The following NLGN4X variants were observed in gnomAD, a reference collection of about 807,000 sequenced individuals.
NLGN4X encodes neuroligin 4 X-linked, also known as neuroligin-4, X-linked.
In NLGN4X, 3 loss-of-function variants were observed where a neutral mutation model predicts 40.3. The ratio of observed to expected loss-of-function variants is 0.07; its 90% confidence interval spans 0.03 to 0.19. The LOEUF (loss-of-function observed/expected upper bound fraction) is 0.19. NLGN4X is among the 10% of genes least tolerant of loss of function. The probability of loss-of-function intolerance (pLI) is 1.00; values close to 1 mark genes in which losing one functional copy is unlikely to be tolerated. For missense variants in NLGN4X, 382 were observed against 708.3 expected, an observed-to-expected ratio of 0.54 and a Z score of 5.23; for synonymous variants, 270 against 306.8, an observed-to-expected ratio of 0.88 and a Z score of 1.25.
intron 3 of NLGN4X, among the ~76,000 whole-genome samples, chrX:5,947,980 C>A (rs923652537): frequency 1.8e-5 from 2 of 110,972 alleles, no homozygotes; most frequent in African/African-American, 6.6e-5. Context: ...ATATACGGAA[C>A]CTAAATATAT....
chrX:5,956,190 G>GTA (rs1270298036), intron 3 of NLGN4X, among the ~76,000 whole-genome samples: 1 of 107,312 alleles, frequency 9.3e-6, no homozygotes, highest in East Asian at 2.8e-4. Context: ...CTATATGTGT[G>GTA]TATATACACA....
chrX:6,154,666 T>C (rs1014605738), intron 1 of NLGN4X, among the ~76,000 whole-genome samples: 7 of 112,107 alleles, frequency 6.2e-5, no homozygotes, highest in Non-Finnish European at 1.3e-4. Context: ...CTAAAATTGT[T>C]AATGGATTAA....
At chrX:5,922,213 G>T (rs768473441) in intron 3 of NLGN4X, among the ~76,000 whole-genome samples, 1 of 111,229 alleles carries the variant, frequency 9.0e-6, no homozygotes, top group South Asian at 3.8e-4. Context: ...TTGTGTGTCA[G>T]ATTTCACCTC....
At position 6,100,005 on chromosome X, in the gene NLGN4X, C is replaced by A. The variant is rs544119557; in HGVS notation, c.472+50990G>T. 2.1e-4 allele frequency among the ~76,000 whole-genome samples: 23 copies of A among 112,010 alleles called. No individual in the cohort carries two copies. In the South Asian group the frequency reaches 7.5e-3, roughly 36 times the overall value. On this transcript the variant is annotated intron_variant, in intron 2 of 5. Transcript: ENST00000381095. ...GTGAGAGCCTCAAACAGTTCACCCA[C>A]ATATTTGTTAACAGCAAGCCAGTGA...
intron 3 of NLGN4X, among the ~76,000 whole-genome samples, chrX:5,951,112 A>T (rs1180556371): frequency 1.8e-5 from 2 of 112,172 alleles, no homozygotes; most frequent in Admixed American, 1.9e-4. Flanking sequence ...GTTTTTAATG[A>T]ATTTATTCTT....
intron 2 of NLGN4X, among the ~76,000 whole-genome samples, chrX:6,039,949 T>C (rs926577628): frequency 9.0e-6 from 1 of 111,726 alleles, no homozygotes; most frequent in Non-Finnish European, 1.9e-5. Context: ...TGTTTGTTTG[T>C]TTTTTAGAGA....
At chrX:5,906,557 C>T (rs1377889402) in intron 4 of NLGN4X, among the ~76,000 whole-genome samples, 1 of 111,647 alleles carries the variant, frequency 9.0e-6, no homozygotes. Flanking sequence ...CACTCTGTCA[C>T]CCAGGCTGGA....
At chrX:6,124,197 C>T (rs891863932) in intron 2 of NLGN4X, among the ~76,000 whole-genome samples, 2 of 110,594 alleles carry the variant, frequency 1.8e-5, no homozygotes, top group Non-Finnish European at 3.8e-5. Flanking sequence ...CATGTAACAT[C>T]CTAATAATAC....
intron 3 of NLGN4X, among the ~76,000 whole-genome samples, chrX:5,929,592 ACAT>A (rs1371707418): frequency 5.3e-5 from 6 of 112,419 alleles, no homozygotes; most frequent in Non-Finnish European, 1.1e-4. Flanking sequence ...GTGCACACAC[ACAT>A]ATTTCACACT....
At chrX:6,029,515 C>T (rs2036799244) in intron 2 of NLGN4X, 83 bp from the exon 3 acceptor site, 1 of 973,154 alleles carries the variant, frequency 1.0e-6, no homozygotes, top group African/African-American at 1.9e-5. Context: ...AGGAGATTCA[C>T]TGATTTCCCT....
intron 3 of NLGN4X, among the ~76,000 whole-genome samples, chrX:5,929,655 A>G (rs2033475721): frequency 8.9e-6 from 1 of 112,509 alleles, no homozygotes; most frequent in Admixed American, 9.4e-5. Context: ...ATGTATAACT[A>G]GAATATTGTT....
At chrX:6,083,275 G>A (rs946548457) in intron 2 of NLGN4X, among the ~76,000 whole-genome samples, 15 of 110,390 alleles carry the variant, frequency 1.4e-4, no homozygotes, top group Admixed American at 8.7e-4. Flanking sequence ...CGTTTTTAAC[G>A]GCTTGCAGGA....
intron 2 of NLGN4X, among the ~76,000 whole-genome samples, chrX:6,122,539 G>A (rs1407825405): frequency 9.0e-6 from 1 of 110,615 alleles, no homozygotes; most frequent in African/African-American, 3.3e-5. Flanking sequence ...AGGCAGAGAG[G>A]TGGGCTTTTG....
rs111637226 is a variant in NLGN4X, at chrX:6,118,237, T to C, written c.472+32758A>G. Among the ~76,000 whole-genome samples, 20 of 111,293 alleles carry C rather than the reference T, an allele frequency of 1.8e-4. No individual in the cohort carries two copies. The East Asian group carries it at 2.6e-3, about 14-fold the overall frequency. On this transcript the variant is annotated intron_variant, in intron 2 of 5. Transcript: ENST00000381095. Reference sequence around the variant, plus strand: ...GAAATGCGATTCAGTCTCACAACTGTAAATATCATCTACATGCTCATGTCT... The same window carrying C: ...GAAATGCGATTCAGTCTCACAACTGCAAATATCATCTACATGCTCATGTCT...
At chrX:5,897,787 C>T (rs1355339305) in intron 5 of NLGN4X, among the ~76,000 whole-genome samples, 2 of 111,950 alleles carry the variant, frequency 1.8e-5, no homozygotes, top group African/African-American at 6.5e-5. Flanking sequence ...TCGCTGACTC[C>T]GCCTTTCTAA....
At chrX:6,010,092 G>C (rs1227917132) in intron 3 of NLGN4X, among the ~76,000 whole-genome samples, 1 of 112,060 alleles carries the variant, frequency 8.9e-6, no homozygotes, top group African/African-American at 3.2e-5. Context: ...AGAATGTCTT[G>C]TTCTGATTAA....
intron 3 of NLGN4X, among the ~76,000 whole-genome samples, chrX:6,012,860 C>T (rs191463205): frequency 6.1e-4 from 68 of 111,634 alleles, no homozygotes; most frequent in Non-Finnish European, 1.2e-3. Flanking sequence ...TTATTTTGAA[C>T]ATCTGGTTTC....
At chrX:5,930,055 C>A (rs184485956) in intron 3 of NLGN4X, among the ~76,000 whole-genome samples, 1 of 111,853 alleles carries the variant, frequency 8.9e-6, no homozygotes, top group African/African-American at 3.2e-5. Flanking sequence ...GGTCTTATGA[C>A]CTGGCTTTAG....
At chrX:5,894,881 T>C (rs774178284) in intron 5 of NLGN4X, among the ~76,000 whole-genome samples, 2 of 112,570 alleles carry the variant, frequency 1.8e-5, no homozygotes, top group African/African-American at 6.4e-5. Context: ...CATTGAGATG[T>C]GATGTGCAGA....
Sources: gnomAD v4.1 joint callset for allele counts (sites outside exome capture counted in the v4.1 genomes callset) on GRCh38, gnomAD v4.1.1 for gene constraint, MANE v1.5 for transcripts, NCBI Gene and HGNC (gene_info 2026-07-23, HGNC 2026-07-21) for gene names.